AK8: variants seen among roughly 807,000 people sequenced by gnomAD.
AK8 encodes the protein ATP-AMP transphosphorylase 8.
Under a neutral mutation model 54.6 loss-of-function variants are expected in AK8, and 44 were observed. The observed-to-expected ratio is 0.81, with a 90% CI of 0.63 to 1.04. AK8 has a LOEUF of 1.04. AK8 is among the 50% of genes least tolerant of loss of function. AK8 has a pLI of 0.00. For missense variants in AK8, 555 were observed against 613.6 expected, an observed-to-expected ratio of 0.90 and a Z score of 1.01; for synonymous variants, 239 against 245.6, an observed-to-expected ratio of 0.97 and a Z score of 0.25.
chr9:132,844,235 CTT>C (rs992941371), intron 5 of AK8, among the ~76,000 whole-genome samples: 2 of 137,058 alleles, frequency 1.5e-5, no homozygotes, highest in African/African-American at 5.4e-5. Context: ...GCTAATTTTT[CTT>C]TCTCTAATGC....
chr9:132,823,377 G>C (rs745765828), intron 8 of AK8, 41 bp from the exon 9 acceptor site: 1 of 1,611,942 alleles, frequency 6.2e-7, no homozygotes, highest in Middle Eastern at 1.7e-4. Flanking sequence ...CCAGGTCCTA[G>C]AGAACAGGAA....
chr9:132,732,335 A>G (rs1836884407), intron 11 of AK8, among the ~76,000 whole-genome samples: 1 of 151,978 alleles, frequency 6.6e-6, no homozygotes, highest in Admixed American at 6.6e-5. Flanking sequence ...TCAGGATTGT[A>G]TCTTCTATGG....
upstream of AK8, chr9:132,878,458 G>C (rs983947516): frequency 2.0e-5 from 25 of 1,223,108 alleles, no homozygotes; most frequent in Non-Finnish European, 2.4e-5. This position sits in a 1 kb window ranked among gnomAD's most constrained non-coding sequence, Gnocchi z 4.7. Context: ...CCCCAACCCC[G>C]GCCTCGCTTT....
At chr9:132,843,824 G>T (rs1183172023) in intron 5 of AK8, among the ~76,000 whole-genome samples, 26 of 152,164 alleles carry the variant, frequency 1.7e-4, no homozygotes. Flanking sequence ...GGGGACTTTG[G>T]TGCCTTTGGA....
chr9:132,777,405 C>T (rs1839268993), intron 11 of AK8, among the ~76,000 whole-genome samples: 1 of 152,082 alleles, frequency 6.6e-6, no homozygotes, highest in South Asian at 2.1e-4. Context: ...AGAACTTGCC[C>T]AAGTAGAAGT....
intron 5 of AK8, among the ~76,000 whole-genome samples, chr9:132,847,054 AG>A (rs1842779988): frequency 6.6e-6 from 1 of 152,224 alleles, no homozygotes; most frequent in Admixed American, 6.5e-5. Flanking sequence ...TGGATCCCAG[AG>A]ACTTCTGCCT....
At chr9:132,786,769 ACT>A (rs1037135103) in intron 11 of AK8, among the ~76,000 whole-genome samples, 1 of 152,132 alleles carries the variant, frequency 6.6e-6, no homozygotes, top group South Asian at 2.1e-4. Context: ...GTAAAAAAAG[ACT>A]CTGCTGAGAA....
intron 11 of AK8, among the ~76,000 whole-genome samples, chr9:132,779,088 C>T (rs1422391526): frequency 3.3e-5 from 5 of 150,078 alleles, no homozygotes; most frequent in Non-Finnish European, 5.9e-5. Context: ...GCAAGCAGGT[C>T]ACCATTAGAG....
At chr9:132,730,430 CT>C (rs1409955158) in intron 11 of AK8, among the ~76,000 whole-genome samples, 1 of 114,896 alleles carries the variant, frequency 8.7e-6, no homozygotes, top group African/African-American at 3.1e-5. Context: ...TCTCTGCCCA[CT>C]GCCTGTTTTT....
intron 5 of AK8, among the ~76,000 whole-genome samples, chr9:132,848,692 A>C (rs1842850643): frequency 6.6e-6 from 1 of 152,116 alleles, no homozygotes; most frequent in Admixed American, 6.5e-5. Flanking sequence ...CAAGGCAGGC[A>C]AGACCATCTT....
rs944733664 is a variant in AK8 at position 132,826,501 on chromosome 9, T to G, written c.757+353A>C. Reference sequence around the variant, plus strand: ...TTTGTCTTAATCTTTATATATTTTTTCTTTCCTCTCCCTCAAGGTCAGGCT... The same window carrying G: ...TTTGTCTTAATCTTTATATATTTTTGCTTTCCTCTCCCTCAAGGTCAGGCT... On this transcript the variant is annotated intron_variant, in intron 8 of 12. Coordinates refer to ENST00000298545, the MANE Select transcript of AK8 (RefSeq NM_152572.3). The surrounding 1 kb of genome is among the most constrained non-coding windows in gnomAD (Gnocchi z 4.5). 1.3e-5 allele frequency among the ~76,000 whole-genome samples: 2 copies of G among 152,198 alleles called. No homozygotes were observed. Among genetic ancestry groups the G allele is most frequent in the Non-Finnish European group, 2.9e-5 (2 of 68,034 alleles).
intron 4 of AK8, 34 bp downstream of exon 4, chr9:132,863,631 G>C (rs1462037071): frequency 1.3e-6 from 2 of 1,489,520 alleles, no homozygotes; most frequent in Non-Finnish European, 1.9e-6. Context: ...CACTGCTGCT[G>C]TGTGCCTACC....
chr9:132,853,138 C>T (rs1489333160), intron 5 of AK8, among the ~76,000 whole-genome samples: 1 of 151,762 alleles, frequency 6.6e-6, no homozygotes, highest in African/African-American at 2.4e-5. Flanking sequence ...GGGTGGATCA[C>T]CCGAGGTCAG....
In AK8 at chr9:132,792,781, G is replaced by C; in HGVS notation, c.980-6C>G. 6.4e-7 allele frequency: 1 copy of C among 1,557,538 alleles called. No homozygotes were observed. ...CATGAGGAGGCTGTCAGGAACTGCAGAGAAGGGGGGCAAGTGAGTACCCTG... is the reference window on the plus strand; with the variant it reads ...CATGAGGAGGCTGTCAGGAACTGCACAGAAGGGGGGCAAGTGAGTACCCTG... On this transcript the variant is annotated splice_polypyrimidine_tract_variant and splice_region_variant and intron_variant, in intron 10 of 12. Coordinates refer to ENST00000298545, the MANE Select transcript of AK8 (RefSeq NM_152572.3).
intron 3 of AK8, among the ~76,000 whole-genome samples, chr9:132,865,147 G>A (rs985930088): frequency 5.3e-5 from 8 of 152,192 alleles, no homozygotes; most frequent in African/African-American, 1.9e-4. Context: ...TTGTGAAACA[G>A]CAAAATGGTT....
At position 132,821,805 on chromosome 9, in the gene AK8, GTGTATGTATATACAAATATATACA is replaced by G. The variant is rs1232689372; in HGVS notation, c.889+1376_889+1399del. On this transcript the variant is annotated intron_variant, in intron 9 of 12. Coordinates refer to ENST00000298545, the MANE Select transcript of AK8 (RefSeq NM_152572.3). ...TGTATATACAAATATATACATATAT[GTGTATGTATATACAAATATATACA>G]TATATGTGTATGTATATACAAATAT... Among the ~76,000 whole-genome samples the G allele has an allele frequency of 6.6e-3, 567 of 85,314 alleles. 3 individuals are homozygous for G. The highest frequency in any genetic ancestry group is 0.01 in the Non-Finnish European group (411 of 40,884). The allele number at this position is 85,314 out of a possible 152,430, so 56.0% of individuals were successfully genotyped here.
chr9:132,813,855 G>A (rs924572165), intron 10 of AK8, among the ~76,000 whole-genome samples: 2 of 152,212 alleles, frequency 1.3e-5, no homozygotes, highest in Admixed American at 1.3e-4. Context: ...TGTCAAACAG[G>A]CGAGCATCTA....
intron 11 of AK8, among the ~76,000 whole-genome samples, chr9:132,754,881 C>A (rs1373526935): frequency 6.6e-6 from 1 of 150,852 alleles, no homozygotes; most frequent in Non-Finnish European, 1.5e-5. Flanking sequence ...CTCATTGCAA[C>A]CTCCACCTCC....
chr9:132,763,135 C>T (rs538802334), intron 11 of AK8, among the ~76,000 whole-genome samples: 85 of 152,210 alleles, frequency 5.6e-4, no homozygotes, highest in Admixed American at 2.5e-3. Context: ...AGTACCCTGC[C>T]ACTGTGGCCA....
Sources: gnomAD v4.1 joint callset for allele counts (sites outside exome capture counted in the v4.1 genomes callset) on GRCh38, gnomAD v4.1.1 for gene constraint, Gnocchi (gnomAD v3.1) non-coding constraint, MANE v1.5 for transcripts, NCBI Gene and HGNC (gene_info 2026-07-23, HGNC 2026-07-21) for gene names.